The following CLN3 variants were observed in gnomAD, a reference collection of about 807,000 sequenced individuals.
The protein encoded by CLN3 is CLN3 lysosomal/endosomal transmembrane protein, battenin, also known as battenin.
In CLN3, 49 loss-of-function variants were observed where a neutral mutation model predicts 60.7. The observed-to-expected ratio is 0.81, with a 90% confidence interval of 0.64 to 1.02. The LOEUF is 1.02. Among genes scored for constraint, CLN3 ranks in the 50% least tolerant of loss-of-function variants. The probability of loss-of-function intolerance (pLI) is 0.00; values close to 1 mark genes in which losing one functional copy is unlikely to be tolerated. For missense variants in CLN3, 516 were observed against 557.4 expected, an observed-to-expected ratio of 0.93 and a Z score of 0.75; for synonymous variants, 256 against 245.8, an observed-to-expected ratio of 1.04 and a Z score of -0.39.
chr16:28,472,535 A>C (rs2045958920), downstream of CLN3, among the ~76,000 whole-genome samples: 2 of 151,972 alleles, frequency 1.3e-5, no homozygotes, highest in South Asian at 4.2e-4. Flanking sequence ...TAAAACTATA[A>C]AACTCTTAGA....
intron 1 of CLN3, 34 bp downstream of exon 1, chr16:28,491,986 G>C: frequency 1.6e-6 from 1 of 625,356 alleles, no homozygotes; most frequent in Non-Finnish European, 2.9e-6. Flanking sequence ...ACTCTCCCCC[G>C]CCCCGTCTAC....
chr16:28,472,050 A>T (rs1261257540), downstream of CLN3, among the ~76,000 whole-genome samples: 1 of 152,156 alleles, frequency 6.6e-6, no homozygotes, highest in Non-Finnish European at 1.5e-5. Context: ...AAGTTGGAGG[A>T]TTCACATTTC....
At chr16:28,490,587 C>T (rs531854698) in intron 3 of CLN3, among the ~76,000 whole-genome samples, 105 of 151,374 alleles carry the variant, frequency 6.9e-4, no homozygotes, top group African/African-American at 2.4e-3. Flanking sequence ...GGTGAAACCC[C>T]ATCTCTACTA....
chr16:28,490,028 G>A (rs948986684), intron 3 of CLN3, among the ~76,000 whole-genome samples: 2 of 146,784 alleles, frequency 1.4e-5, no homozygotes, highest in Admixed American at 7.0e-5. Flanking sequence ...TTGCACTCCA[G>A]CCTGGGCTAC....
At chr16:28,489,828 G>A (rs1366222149) in intron 3 of CLN3, among the ~76,000 whole-genome samples, 4 of 152,140 alleles carry the variant, frequency 2.6e-5, no homozygotes, top group South Asian at 2.1e-4. Flanking sequence ...GGGCCGAGGC[G>A]GGCGGATCGC....
chr16:28,484,553 T>C (rs113354353), intron 9 of CLN3: 2,458 of 223,798 alleles, frequency 0.011, 59 homozygotes, highest in African/African-American at 0.053. Flanking sequence ...TCTCGCTATG[T>C]TGCCCAGGCT....
chr16:28,487,646 C>G lies in CLN3; in HGVS notation c.374+16G>C. ...CAGCTCCTGCCCACCCTGCCTCCCA[C>G]TACCCTCACCCAGACCTGTAGGGCA... On this transcript the variant is annotated intron_variant, in intron 6 of 15. Transcript: ENST00000636147. 6.2e-7 allele frequency: 1 copy of G among 1,611,646 alleles called. No homozygotes were observed. Among genetic ancestry groups the G allele is most frequent in the Non-Finnish European group, 8.5e-7 (1 of 1,178,080 alleles).
intron 11 of CLN3, 33 bp from the exon 12 acceptor site, chr16:28,482,578 T>A: frequency 3.1e-6 from 5 of 1,614,072 alleles, no homozygotes; most frequent in Non-Finnish European, 4.2e-6. Flanking sequence ...GCGGGGGGCC[T>A]GGAGGTGAGC....
At chr16:28,468,536 T>G in the CLN3 span, among the ~76,000 whole-genome samples, 3 of 142,528 alleles carry the variant, frequency 2.1e-5, no homozygotes, top group Non-Finnish European at 4.6e-5. Context: ...GGGCCGGGTG[T>G]GGTGGCTCAC....
At position 28,485,500 on chromosome 16, in the gene CLN3, C is replaced by T. The variant is rs541275738; in HGVS notation, c.677+847G>A. 7.3e-4 allele frequency among the ~76,000 whole-genome samples: 101 copies of T among 138,176 alleles called. 1 individual carries two copies. In the Middle Eastern group the frequency reaches 0.022, roughly 30 times the overall value. 90.6% of individuals were successfully genotyped at this position (138,176 alleles called of 152,430 possible). ...GGAGAATCACTAGAGCCCGGGAGGCCGAGGCTGCAGTGAGCTGAGATCACA... is the reference window on the plus strand; with the variant it reads ...GGAGAATCACTAGAGCCCGGGAGGCTGAGGCTGCAGTGAGCTGAGATCACA... On this transcript the variant is annotated intron_variant, in intron 9 of 15. Transcript: ENST00000636147.
intron 3 of CLN3, among the ~76,000 whole-genome samples, chr16:28,490,652 C>G (rs2046298916): frequency 6.7e-6 from 1 of 149,596 alleles, no homozygotes; most frequent in South Asian, 2.1e-4. Flanking sequence ...CTCAGCTACT[C>G]CGGAGGCTGA....
chr16:28,486,295 G>C, intron 9 of CLN3, 52 bp downstream of exon 9: 1 of 1,607,492 alleles, frequency 6.2e-7, no homozygotes. Flanking sequence ...CCCAGCCATG[G>C]CCAAGTTTTC....
downstream of CLN3, among the ~76,000 whole-genome samples, chr16:28,474,741 A>G (rs1473251366): frequency 6.6e-6 from 1 of 152,250 alleles, no homozygotes; most frequent in African/African-American, 2.4e-5. Flanking sequence ...AAACATTTAT[A>G]GCAGCATGAT....
chr16:28,486,542 C>G (rs775170199), intron 8 of CLN3, 36 bp downstream of exon 8: 5 of 1,607,638 alleles, frequency 3.1e-6, no homozygotes, highest in African/African-American at 1.3e-5. Flanking sequence ...GACCATGGGA[C>G]AGCCTCTCCC....
chr16:28,489,184 G>T, intron 4 of CLN3, 106 bp downstream of exon 4: 1 of 862,120 alleles, frequency 1.2e-6, no homozygotes, highest in East Asian at 2.7e-5. Flanking sequence ...TTACAGGTGT[G>T]AGCCACTGTG....
At chr16:28,487,885 A>G in intron 5 of CLN3, 144 bp from the exon 6 acceptor site, 1 of 697,112 alleles carries the variant, frequency 1.4e-6, no homozygotes, top group Non-Finnish European at 2.6e-6. Flanking sequence ...TTCAAGTCTC[A>G]GCTCTCCCAC....
downstream of CLN3, chr16:28,474,058 A>T (rs2045972469): frequency 6.6e-6 from 1 of 152,260 alleles, no homozygotes; most frequent in African/African-American, 2.4e-5. Context: ...ACCTGAGTTT[A>T]GAAGTTGGAG....
At position 28,491,515 on chromosome 16, in the gene CLN3, T is replaced by C. The variant is rs1331250366; in HGVS notation, c.92A>G (p.Gln31Arg). 1 of 1,613,994 alleles carries C rather than the reference T, an allele frequency of 6.2e-7. No homozygotes were observed. Among genetic ancestry groups the C allele is most frequent in the Non-Finnish European group, 8.5e-7 (1 of 1,180,034 alleles). The change falls in exon 3 of 16, where the codon CAG becomes CGG. Residue 31 changes from glutamine to arginine, a missense_variant. Transcript: ENST00000636147. Reference sequence around the variant, plus strand: ...CACCGCGTTCTTCCAATGCGCGCCCTGATGGTCCAACAGAGGGAGCCGGGG... The same window carrying C: ...CACCGCGTTCTTCCAATGCGCGCCCCGATGGTCCAACAGAGGGAGCCGGGG... The part of the protein sequence containing the change: ...PEPRLPLLDH[Q>R]GAHWKNAVGF...
intron 3 of CLN3, chr16:28,490,459 T>A (rs1413782800): frequency 5.6e-4 from 43 of 77,378 alleles, no homozygotes; most frequent in African/African-American, 1.4e-3. Flanking sequence ...TAAAATAAAA[T>A]TAAAAAAAAA....
Sources: allele counts gnomAD v4.1 joint callset (sites outside exome capture counted in the v4.1 genomes callset), GRCh38; gene constraint gnomAD v4.1.1; transcripts MANE v1.5; gene names NCBI Gene and HGNC (gene_info 2026-07-23, HGNC 2026-07-21).